The following KCND3 variants were observed in gnomAD, a reference collection of about 807,000 sequenced individuals.
KCND3 encodes A-type voltage-gated potassium channel KCND3.
Under a neutral mutation model 51.1 loss-of-function variants are expected in KCND3, and 9 were observed. That is an observed-to-expected ratio of 0.18 (90% CI 0.11 to 0.31). The LOEUF is 0.31. KCND3 is among the 10% of genes least tolerant of loss of function. The probability of loss-of-function intolerance (pLI) is 1.00; values close to 1 mark genes in which losing one functional copy is unlikely to be tolerated. For missense variants in KCND3, 526 were observed against 903.8 expected (o/e 0.58, Z 5.36); for synonymous variants, 349 against 368.0 (o/e 0.95, Z 0.59).
intron 2 of KCND3, among the ~76,000 whole-genome samples, chr1:111,830,710 G>T (rs1359823951): frequency 6.6e-6 from 1 of 152,048 alleles, no homozygotes; most frequent in Admixed American, 6.5e-5. Context: ...TCATTAAAGA[G>T]ATTTTCAAAA....
intron 2 of KCND3, among the ~76,000 whole-genome samples, chr1:111,918,157 A>G (rs1671309879): frequency 6.6e-6 from 1 of 152,246 alleles, no homozygotes; most frequent in South Asian, 2.1e-4. Flanking sequence ...GGAAGATGCA[A>G]GTGGCTTAGA....
intron 2 of KCND3, among the ~76,000 whole-genome samples, chr1:111,889,085 G>A (rs750399260): frequency 7.9e-5 from 12 of 152,162 alleles, no homozygotes; most frequent in African/African-American, 2.9e-4. Context: ...TAATGAGTTC[G>A]TTTGGGTAAA....
intron 2 of KCND3, among the ~76,000 whole-genome samples, chr1:111,806,191 G>T (rs1434150110): frequency 6.6e-6 from 1 of 152,196 alleles, no homozygotes; most frequent in African/African-American, 2.4e-5. Context: ...CACTCAAAGG[G>T]GGGCACATCT....
intron 2 of KCND3, among the ~76,000 whole-genome samples, chr1:111,852,772 A>G (rs144016693): frequency 6.8e-4 from 104 of 152,314 alleles, no homozygotes; most frequent in African/African-American, 2.4e-3. Flanking sequence ...TGTAATTACA[A>G]TCACTGAGTC....
At chr1:111,813,583 G>A (rs2101579711) in intron 2 of KCND3, among the ~76,000 whole-genome samples, 1 of 152,366 alleles carries the variant, frequency 6.6e-6, no homozygotes, top group Middle Eastern at 3.4e-3. Flanking sequence ...GCTGTCTTAG[G>A]CTCGCCTAGC....
intron 2 of KCND3, among the ~76,000 whole-genome samples, chr1:111,871,537 T>C (rs1178124605): frequency 6.6e-6 from 1 of 152,182 alleles, no homozygotes; most frequent in Non-Finnish European, 1.5e-5. Context: ...GGTAAAGCTA[T>C]AAACTCACTG....
intron 2 of KCND3, among the ~76,000 whole-genome samples, chr1:111,813,337 A>G (rs12411103): frequency 0.077 from 11,777 of 152,252 alleles, 776 homozygotes; most frequent in African/African-American, 0.16. Context: ...AGAAAATTAC[A>G]TATTTTTAAA....
chr1:111,822,395 T>C (rs1042529010), intron 2 of KCND3, among the ~76,000 whole-genome samples: 1 of 152,180 alleles, frequency 6.6e-6, no homozygotes, highest in Non-Finnish European at 1.5e-5. Flanking sequence ...CCGGTAACCA[T>C]AATTCCACTT....
chr1:111,935,281 C>T (rs1290204366), intron 2 of KCND3, among the ~76,000 whole-genome samples: 4 of 152,170 alleles, frequency 2.6e-5, no homozygotes, highest in African/African-American at 7.2e-5. Context: ...TCCAGCCCAA[C>T]CTACGTCATG....
At position 111,982,244 on chromosome 1, in the gene KCND3, G is replaced by C. The variant is rs988248643; in HGVS notation, c.483C>G (p.Pro161=). 6.2e-7 allele frequency: 1 copy of C among 1,614,014 alleles called. No individual in the cohort carries two copies. Among genetic ancestry groups the C allele is most frequent in the Non-Finnish European group, 8.5e-7 (1 of 1,180,038 alleles). Residue 161 remains proline (P), a synonymous_variant, in exon 2 of 8, where the codon CCC becomes CCG. Coordinates refer to ENST00000302127, the MANE Select transcript of KCND3 (RefSeq NM_001378969.1). This position sits in a 1 kb window ranked among gnomAD's most constrained non-coding sequence, Gnocchi z 8.5. ...ACATGGTCTGGCGGAAGCTGAGCGA[G>C]GGCATGGACTCCTGGTTGTTCTCCG... ...NDSENNQESM[P]SLSFRQTMWR...
At chr1:111,856,137 G>A (rs984110547) in intron 2 of KCND3, among the ~76,000 whole-genome samples, 4 of 152,228 alleles carry the variant, frequency 2.6e-5, no homozygotes, top group East Asian at 1.9e-4. Flanking sequence ...GACTGCCTCC[G>A]CACTCTGCAC....
chr1:111,949,973 C>T (rs566137247), intron 2 of KCND3, among the ~76,000 whole-genome samples: 2 of 152,310 alleles, frequency 1.3e-5, no homozygotes, highest in Admixed American at 6.5e-5. Flanking sequence ...TGCAGTGGCC[C>T]GATCTCAGCT....
rs1202463304 is a variant in KCND3, at chr1:111,772,294, T to G, written c.*3783A>C. 1 of 152,340 alleles carries G rather than the reference T, an allele frequency of 6.6e-6. No individual in the cohort carries two copies. The highest frequency in any genetic ancestry group is 1.9e-4 in the East Asian group (1 of 5,192). The allele number at this position is 152,340 out of a possible 1,614,324, so 9.4% of individuals were successfully genotyped here. A position where few individuals can be genotyped will look rare whatever the true frequency, so the allele number is the denominator to read the frequency against. On this transcript the variant is annotated 3_prime_UTR_variant, in exon 8 of 8. Transcript: ENST00000302127. Reference sequence around the variant, plus strand: ...AAATATTTGACTAAAAAAAATTGACTCTTCACTTGTTCACTGATTTCTGAC... The same window carrying G: ...AAATATTTGACTAAAAAAAATTGACGCTTCACTTGTTCACTGATTTCTGAC...
intron 2 of KCND3, among the ~76,000 whole-genome samples, chr1:111,896,473 G>C (rs1670120259): frequency 6.6e-6 from 1 of 152,238 alleles, no homozygotes; most frequent in South Asian, 2.1e-4. Flanking sequence ...AGCCCAGAGA[G>C]AGGAGGCAAG....
intron 2 of KCND3, among the ~76,000 whole-genome samples, chr1:111,964,063 T>C (rs1673825603): frequency 6.6e-6 from 1 of 152,182 alleles, no homozygotes; most frequent in Non-Finnish European, 1.5e-5. Context: ...TGCTTTCTGA[T>C]TGTAACTCTA....
intron 2 of KCND3, among the ~76,000 whole-genome samples, chr1:111,849,687 G>C (rs11102348): frequency 0.025 from 3,746 of 152,272 alleles, 173 homozygotes; most frequent in African/African-American, 0.085. Context: ...TATATCTGTC[G>C]GGGTGGAGGG....
At chr1:111,922,507 C>G (rs1157085954) in intron 2 of KCND3, among the ~76,000 whole-genome samples, 1 of 152,194 alleles carries the variant, frequency 6.6e-6, no homozygotes, top group Non-Finnish European at 1.5e-5. Flanking sequence ...GTCAGAAAGT[C>G]TAGGTTCAAA....
chr1:111,965,438 C>CACA (rs1673915208), intron 2 of KCND3, among the ~76,000 whole-genome samples: 5 of 72,368 alleles, frequency 6.9e-5, no homozygotes, highest in Non-Finnish European at 2.6e-5. Flanking sequence ...GCCAGCAAAA[C>CACA]CACACACACA....
At chr1:111,863,307 A>G (rs1668413891) in intron 2 of KCND3, among the ~76,000 whole-genome samples, 1 of 144,026 alleles carries the variant, frequency 6.9e-6, no homozygotes, top group Non-Finnish European at 1.5e-5. Context: ...CCAGACATTG[A>G]CTAACCTATT....
Sources: gnomAD v4.1 joint callset for allele counts (sites outside exome capture counted in the v4.1 genomes callset) on GRCh38, gnomAD v4.1.1 for gene constraint, Gnocchi (gnomAD v3.1) non-coding constraint, MANE v1.5 for transcripts, NCBI Gene and HGNC (gene_info 2026-07-23, HGNC 2026-07-21) for gene names.